Variants in KCTD3 observed in about 807,000 individuals in gnomAD.
KCTD3 encodes the protein BTB/POZ domain-containing protein KCTD3.
A neutral mutation model predicts 85.8 loss-of-function variants in KCTD3; 41 were observed. The ratio of observed to expected loss-of-function variants is 0.48; its 90% CI spans 0.37 to 0.62. KCTD3 has a LOEUF of 0.62. Among genes scored for constraint, KCTD3 ranks in the 20% least tolerant of loss-of-function variants. The pLI is 0.00. For synonymous variants in KCTD3, 338 were observed against 345.4 expected (o/e 0.98, Z 0.24); for missense variants, 724 against 989.9 (o/e 0.73, Z 3.60).
chr1:215,605,108 A>G (rs1654966066), intron 13 of KCTD3, among the ~76,000 whole-genome samples: 1 of 152,160 alleles, frequency 6.6e-6, no homozygotes, highest in Non-Finnish European at 1.5e-5. Context: ...TGCTTTCTAG[A>G]GGAGTCTTAC....
intron 9 of KCTD3, among the ~76,000 whole-genome samples, chr1:215,590,558 G>C (rs1333048480): frequency 6.6e-6 from 1 of 151,828 alleles, no homozygotes; most frequent in Non-Finnish European, 1.5e-5. Flanking sequence ...CCATTCTTCA[G>C]TTTAGATATC....
Position 215,575,911 on chromosome 1 carries a change from A to T in KCTD3, c.194A>T (p.Asp65Val). The change falls in exon 4 of 18, where the codon GAT (aspartate) becomes GTT (valine). Residue 65 changes from aspartate (D) to valine (V), a missense_variant. Physicochemically the swap from Asp to Val is radical, Grantham distance 152. Around this residue, in one of 6 missense-constraint regions of KCTD3, gnomAD observed 97 missense variants for 115.7 expected, o/e 0.84. Transcript: ENST00000259154. ...LRDETGAIFI[D>V]RDPAAFAPIL... is the part of the protein sequence containing the mutation. ...TTCTCTTTTTTACAGATATTTATTG[A>T]TAGAGATCCAGCAGCATTTGCACCC... is the stretch of plus-strand genomic sequence containing the variant. The T allele has an allele frequency of 6.5e-7, 1 of 1,544,518 alleles. No homozygotes were observed.
chr1:215,615,641 T>C (rs1173249406), intron 15 of KCTD3, among the ~76,000 whole-genome samples: 1 of 149,674 alleles, frequency 6.7e-6, no homozygotes, highest in African/African-American at 2.5e-5. Flanking sequence ...AAAAAAGAAA[T>C]CTGCATAGGG....
chr1:215,581,908 G>A (rs1659839518), intron 8 of KCTD3, among the ~76,000 whole-genome samples: 1 of 152,284 alleles, frequency 6.6e-6, no homozygotes, highest in Non-Finnish European at 1.5e-5. Context: ...GTATCAGTAA[G>A]TTACAAAACC....
chr1:215,571,629 CTTTTT>C (rs563959943), intron 1 of KCTD3, among the ~76,000 whole-genome samples: 1 of 141,800 alleles, frequency 7.1e-6, no homozygotes, highest in African/African-American at 2.6e-5. Flanking sequence ...TGGAGATAAA[CTTTTT>C]TTTTTTTTTT....
chr1:215,584,798 A>G (rs1659948180), intron 8 of KCTD3, among the ~76,000 whole-genome samples: 1 of 152,208 alleles, frequency 6.6e-6, no homozygotes, highest in Non-Finnish European at 1.5e-5. Flanking sequence ...ACAAAAGAAA[A>G]CAGATTCTTA....
chr1:215,587,627 T>C (rs1487062884), intron 9 of KCTD3, among the ~76,000 whole-genome samples: 1 of 152,236 alleles, frequency 6.6e-6, no homozygotes, highest in East Asian at 1.9e-4. Flanking sequence ...GTGATATCTA[T>C]TTCTGCATTC....
At chr1:215,611,002 A>G (rs866924513) in intron 14 of KCTD3, among the ~76,000 whole-genome samples, 64 of 151,850 alleles carry the variant, frequency 4.2e-4, no homozygotes, top group Non-Finnish European at 8.2e-4. Context: ...TCTTTTTACA[A>G]TACTTTTTAT....
intron 12 of KCTD3, among the ~76,000 whole-genome samples, chr1:215,602,787 C>A (rs1401258789): frequency 6.6e-6 from 1 of 152,056 alleles, no homozygotes; most frequent in South Asian, 2.1e-4. Flanking sequence ...TTCTAAGAAA[C>A]AATTTGTATT....
In KCTD3 at chr1:215,611,817, T is replaced by A; in HGVS notation, c.1466-8T>A. On this transcript the variant is annotated splice_polypyrimidine_tract_variant and splice_region_variant and intron_variant, in intron 14 of 17. Coordinates refer to ENST00000259154, the MANE Select transcript of KCTD3 (RefSeq NM_016121.5). ...TTAATTTTTTGACATTTTTGTTTTCTGATCAAGGACCTTTTGGAGAGCGAG... is the reference window on the plus strand; with the variant it reads ...TTAATTTTTTGACATTTTTGTTTTCAGATCAAGGACCTTTTGGAGAGCGAG... 6.4e-7 allele frequency: 1 copy of A among 1,565,322 alleles called. No homozygotes were observed. Among genetic ancestry groups the A allele is most frequent in the Non-Finnish European group, 8.7e-7 (1 of 1,155,060 alleles).
Position 215,615,593 on chromosome 1 carries a change from C to G in KCTD3, c.1563-3293C>G, listed in dbSNP as rs527697911. 6.0e-4 allele frequency among the ~76,000 whole-genome samples: 91 copies of G among 150,502 alleles called. 1 individual carries two copies. The highest frequency in any genetic ancestry group is 1.1e-3 in the South Asian group (5 of 4,758). On this transcript the variant is annotated intron_variant, in intron 15 of 17. Transcript: ENST00000259154. ...TGAGATCGCGCCACTGCACTCCAGC[C>G]TGGGCGACAGAGCAGGCCTCCGTCT...
At chr1:215,575,327 C>T (rs1241530901) in intron 3 of KCTD3, among the ~76,000 whole-genome samples, 1 of 151,926 alleles carries the variant, frequency 6.6e-6, no homozygotes, top group Middle Eastern at 3.4e-3. Context: ...CTTATGTATT[C>T]TGTGGTGCTT....
At position 215,575,927 on chromosome 1, in the gene KCTD3, A is replaced by T; in HGVS notation, c.210A>T (p.Ala70=). ...TATTTATTGATAGAGATCCAGCAGC[A>T]TTTGCACCCATTTTAAATTTTCTTC... ...GAIFIDRDPA[A]FAPILNFLRT... The change falls in exon 4 of 18, where the codon GCA becomes GCT. Residue 70 remains alanine (A), a synonymous_variant. Transcript: ENST00000259154. 1 of 1,564,072 alleles carries T rather than the reference A, an allele frequency of 6.4e-7. No homozygotes were observed. The highest frequency in any genetic ancestry group is 8.7e-7 in the Non-Finnish European group (1 of 1,151,360).
chr1:215,569,107 T>C (rs1659264786), intron 1 of KCTD3, among the ~76,000 whole-genome samples: 1 of 151,870 alleles, frequency 6.6e-6, no homozygotes, highest in South Asian at 2.1e-4. Context: ...AGTTAATGTA[T>C]TTCTTTTCTT....
intron 15 of KCTD3, among the ~76,000 whole-genome samples, 185 bp downstream of exon 15, chr1:215,612,106 TA>T (rs1655255037): frequency 6.6e-6 from 1 of 152,190 alleles, no homozygotes; most frequent in Non-Finnish European, 1.5e-5. Context: ...TTCTGGGATT[TA>T]AGAGTTTCAC....
At chr1:215,614,870 A>G (rs1025979652) in intron 15 of KCTD3, among the ~76,000 whole-genome samples, 39 of 152,356 alleles carry the variant, frequency 2.6e-4, no homozygotes, top group Middle Eastern at 6.8e-3. Context: ...TTTACATCAA[A>G]GTTCATTATC....
intron 9 of KCTD3, 62 bp from the exon 10 acceptor site, chr1:215,595,294 G>A: frequency 5.0e-6 from 5 of 992,522 alleles, no homozygotes; most frequent in Non-Finnish European, 8.1e-6. Flanking sequence ...TTTTAATCCA[G>A]GTTTTGATTA....
chr1:215,582,690 T>TC (rs1659870236), intron 8 of KCTD3, among the ~76,000 whole-genome samples: 1 of 152,048 alleles, frequency 6.6e-6, no homozygotes. Context: ...GCCTCCTGAG[T>TC]AGCTGGGACT....
intron 12 of KCTD3, among the ~76,000 whole-genome samples, chr1:215,603,706 T>G (rs1183276387): frequency 6.6e-6 from 1 of 152,196 alleles, no homozygotes; most frequent in Non-Finnish European, 1.5e-5. Context: ...GTAGTGTTCT[T>G]GGCATGGCAG....
Sources: allele counts gnomAD v4.1 joint callset (sites outside exome capture counted in the v4.1 genomes callset), GRCh38; gene constraint gnomAD v4.1.1; regional missense constraint gnomAD v4.1.1; transcripts MANE v1.5; gene names NCBI Gene and HGNC (gene_info 2026-07-23, HGNC 2026-07-21).